FHOD3: variants seen among roughly 807,000 people sequenced by gnomAD.
FHOD3 encodes the protein FH1/FH2 domain-containing protein 3.
FHOD3 carries 90 observed loss-of-function variants against 173.0 expected under a neutral mutation model. The observed-to-expected ratio is 0.52, with a 90% CI of 0.44 to 0.62. The LOEUF (loss-of-function observed/expected upper bound fraction) is 0.62, where lower values mean the gene tolerates loss of function less well. Among genes scored for constraint, FHOD3 ranks in the 20% least tolerant of loss-of-function variants. FHOD3 has a pLI of 0.00. For synonymous variants in FHOD3, 828 were observed against 823.0 expected (o/e 1.01, Z -0.10); for missense variants, 1,945 against 2,034.7 (o/e 0.96, Z 0.85).
intron 6 of FHOD3, 39 bp downstream of exon 6, chr18:36,576,584 C>A (rs751667244): frequency 1.4e-6 from 2 of 1,475,398 alleles, no homozygotes; most frequent in South Asian, 1.2e-5. Context: ...GTTCACTTGT[C>A]ATATCACTTG....
At position 36,747,110 on chromosome 18, in the gene FHOD3, A is replaced by G. The variant is rs773822511; in HGVS notation, c.4207A>G (p.Ile1403Val). 6.2e-7 allele frequency: 1 copy of G among 1,612,926 alleles called. No homozygotes were observed. Among genetic ancestry groups the G allele is most frequent in the Admixed American group, 1.7e-5 (1 of 59,660 alleles). ...DCAERIIILK[I>V]VHRRIINRFH... is the part of the protein sequence containing the mutation. ...TGCAGAGCGAATTATAATTTTAAAG[A>G]TTGTCCATAGAAGGATAATCAACAG... The change falls in exon 24 of 29, where the codon ATT becomes GTT. Residue 1403 changes from isoleucine to valine, a missense_variant. Transcript: ENST00000590592.
chr18:36,694,245 T>C (rs148673351), intron 17 of FHOD3, among the ~76,000 whole-genome samples: 30 of 152,360 alleles, frequency 2.0e-4, no homozygotes, highest in African/African-American at 7.0e-4. Context: ...AGCAGAGGCA[T>C]TAAGCTTTTA....
intron 8 of FHOD3, among the ~76,000 whole-genome samples, chr18:36,608,658 T>C (rs1253414126): frequency 6.6e-6 from 1 of 152,198 alleles, no homozygotes; most frequent in Non-Finnish European, 1.5e-5. Flanking sequence ...ACTGACACTC[T>C]GAGCTCCTAT....
intron 1 of FHOD3, among the ~76,000 whole-genome samples, chr18:36,300,229 C>T (rs1246909766): frequency 1.3e-5 from 2 of 152,198 alleles, no homozygotes; most frequent in African/African-American, 4.8e-5. Flanking sequence ...TTCAAACCAG[C>T]CCTGTGTGAC....
intron 5 of FHOD3, among the ~76,000 whole-genome samples, chr18:36,559,423 C>T (rs2058012609): frequency 6.6e-6 from 1 of 152,200 alleles, no homozygotes; most frequent in African/African-American, 2.4e-5. Context: ...ATAGGACGAG[C>T]TGACTTTGCC....
chr18:36,583,700 C>A (rs143768184), intron 6 of FHOD3, among the ~76,000 whole-genome samples: 1,605 of 152,316 alleles, frequency 0.011, 14 homozygotes, highest in Non-Finnish European at 0.014. Flanking sequence ...CTGGTGGCTG[C>A]CAAATCCCTT....
intron 3 of FHOD3, among the ~76,000 whole-genome samples, chr18:36,447,833 TA>T (rs1285263721): frequency 6.6e-6 from 1 of 152,146 alleles, no homozygotes; most frequent in African/African-American, 2.4e-5. Context: ...TTAAGGTAAA[TA>T]AAAGCAGGTT....
At chr18:36,538,685 A>G (rs761104288) in intron 5 of FHOD3, among the ~76,000 whole-genome samples, 8 of 152,368 alleles carry the variant, frequency 5.3e-5, no homozygotes, top group South Asian at 2.1e-4. Context: ...TCTCCAAGGC[A>G]TTATGCTATT....
intron 17 of FHOD3, among the ~76,000 whole-genome samples, chr18:36,701,308 T>C (rs950755457): frequency 1.3e-5 from 2 of 152,194 alleles, no homozygotes; most frequent in African/African-American, 4.8e-5. Flanking sequence ...GAGAGGAAAC[T>C]TTTACAGAGA....
chr18:36,532,435 G>A (rs1278667333), intron 5 of FHOD3, among the ~76,000 whole-genome samples: 1 of 152,224 alleles, frequency 6.6e-6, no homozygotes, highest in Non-Finnish European at 1.5e-5. Flanking sequence ...CTGGGGGACA[G>A]GGGACCAGTG....
intron 25 of FHOD3, 136 bp downstream of exon 25, chr18:36,755,447 T>C (rs2042594034): frequency 1.5e-6 from 1 of 671,680 alleles, no homozygotes; most frequent in Non-Finnish European, 2.2e-6. Context: ...ATTATCTCTT[T>C]TAAAAAGTGC....
intron 5 of FHOD3, among the ~76,000 whole-genome samples, chr18:36,564,288 T>C (rs1235855656): frequency 1.9e-4 from 29 of 152,230 alleles, no homozygotes; most frequent in Admixed American, 1.9e-3. Context: ...ATGACTGTTT[T>C]ACTTTCCATA....
intron 3 of FHOD3, among the ~76,000 whole-genome samples, chr18:36,412,116 G>A (rs1041670100): frequency 6.6e-6 from 1 of 152,220 alleles, no homozygotes; most frequent in Non-Finnish European, 1.5e-5. Flanking sequence ...CAGGCAGGAA[G>A]GGGCGGGGCT....
chr18:36,408,809 G>T (rs1418435532), intron 3 of FHOD3, among the ~76,000 whole-genome samples: 2 of 152,302 alleles, frequency 1.3e-5, no homozygotes, highest in East Asian at 3.9e-4. Flanking sequence ...GGAGCATGTG[G>T]TGGATCACCT....
At position 36,681,523 on chromosome 18, in the gene FHOD3, A is replaced by C. The variant is rs370344363; in HGVS notation, c.1923A>C (p.Arg641Ser). Residue 641 changes from arginine to serine, a missense_variant, in exon 15 of 29, where the codon AGA (arginine) becomes AGC (serine). This residue lies in a region of FHOD3 where 1,099 missense variants were observed against 1,051.2 expected (regional missense o/e 1.05). Coordinates refer to ENST00000590592, the MANE Select transcript of FHOD3 (RefSeq NM_001281740.3). ...AAERERRRQE[R>S]EERLQRIERE... is the part of the protein sequence containing the mutation. ...AGAGAGAGAGGCGGCGGCAGGAGAGAGAAGAAAGGTTGCAGAGAATAGAGC... is the reference window on the plus strand; with the variant it reads ...AGAGAGAGAGGCGGCGGCAGGAGAGCGAAGAAAGGTTGCAGAGAATAGAGC... 1 of 1,613,882 alleles carries C rather than the reference A, an allele frequency of 6.2e-7. No individual in the cohort carries two copies. Among genetic ancestry groups the C allele is most frequent in the African/African-American group, 1.3e-5 (1 of 74,916 alleles).
Position 36,542,893 on chromosome 18 carries a change from T to C in FHOD3, c.511+30350T>C, listed in dbSNP as rs2057280342. Reference sequence around the variant, plus strand: ...ATTAGCTCCCTGTGAGGGTCATTTTTATGTATCAACTCAGCTGGACCAATG... The same window carrying C: ...ATTAGCTCCCTGTGAGGGTCATTTTCATGTATCAACTCAGCTGGACCAATG... On this transcript the variant is annotated intron_variant, in intron 5 of 28. Coordinates refer to ENST00000590592, the MANE Select transcript of FHOD3 (RefSeq NM_001281740.3). Among the ~76,000 whole-genome samples, 4 of 152,340 alleles carry C rather than the reference T, an allele frequency of 2.6e-5. No individual in the cohort carries two copies. In the South Asian group the frequency reaches 8.3e-4, roughly 32 times the overall value.
chr18:36,343,702 G>A (rs2045742499), intron 1 of FHOD3, among the ~76,000 whole-genome samples: 2 of 152,168 alleles, frequency 1.3e-5, no homozygotes, highest in Non-Finnish European at 2.9e-5. Context: ...AGTGGAAGCA[G>A]CCTGAGGCTT....
intron 5 of FHOD3, among the ~76,000 whole-genome samples, chr18:36,558,265 C>A (rs1300340323): frequency 6.6e-6 from 1 of 152,242 alleles, no homozygotes; most frequent in East Asian, 1.9e-4. Flanking sequence ...GGTTCCCCTT[C>A]CCTGTGTGAT....
chr18:36,323,710 A>T (rs2044519924), intron 1 of FHOD3, among the ~76,000 whole-genome samples: 1 of 152,148 alleles, frequency 6.6e-6, no homozygotes. Context: ...CCACACACCT[A>T]ATCTCACCTC....
Sources: allele counts gnomAD v4.1 joint callset (sites outside exome capture counted in the v4.1 genomes callset), GRCh38; gene constraint gnomAD v4.1.1; regional missense constraint gnomAD v4.1.1; transcripts MANE v1.5; gene names NCBI Gene and HGNC (gene_info 2026-07-23, HGNC 2026-07-21).